Variants in AEBP2 observed in about 807,000 individuals in gnomAD.
The protein encoded by AEBP2 is zinc finger protein AEBP2.
AEBP2 carries 10 observed loss-of-function variants against 50.8 expected under a neutral mutation model. The observed-to-expected ratio is 0.20, with a 90% CI of 0.12 to 0.33. The LOEUF (loss-of-function observed/expected upper bound fraction) is 0.33, where lower values mean the gene tolerates loss of function less well. AEBP2 is among the 10% of genes least tolerant of loss of function. AEBP2 has a pLI of 1.00. For missense variants in AEBP2, 570 were observed against 688.0 expected (o/e 0.83, Z 1.92); for synonymous variants, 296 against 261.3 (o/e 1.13, Z -1.28).
chr12:19,495,246 A>G (rs573432508), intron 4 of AEBP2, among the ~76,000 whole-genome samples: 3 of 152,296 alleles, frequency 2.0e-5, no homozygotes, highest in African/African-American at 7.2e-5. Context: ...AGAAATACCA[A>G]TGGGTGAATG....
chr12:19,513,504 TCCC>T (rs148055914), intron 6 of AEBP2, among the ~76,000 whole-genome samples: 132 of 152,298 alleles, frequency 8.7e-4, no homozygotes, highest in African/African-American at 3.1e-3. Flanking sequence ...ATGCTGGTAA[TCCC>T]AGTGCTTTGT....
intron 1 of AEBP2, among the ~76,000 whole-genome samples, chr12:19,423,063 T>TAAA: frequency 5.3e-4 from 2 of 3,790 alleles, no homozygotes; most frequent in African/African-American, 7.4e-4. Context: ...AGACTCTGTC[T>TAAA]CAAAAAAAAA....
intron 4 of AEBP2, among the ~76,000 whole-genome samples, chr12:19,494,960 G>A (rs1323608691): frequency 1.2e-4 from 18 of 152,156 alleles, no homozygotes; most frequent in South Asian, 2.1e-4. Context: ...AGGCTGGAGC[G>A]CAGTGGTGTG....
intron 1 of AEBP2, chr12:19,457,059 T>C: frequency 1.2e-6 from 2 of 1,607,780 alleles, no homozygotes; most frequent in Non-Finnish European, 1.7e-6. Flanking sequence ...AACCAGAAAT[T>C]GGCACAAATG....
chr12:19,425,203 C>A (rs1221222474), intron 1 of AEBP2, among the ~76,000 whole-genome samples: 1 of 152,138 alleles, frequency 6.6e-6, no homozygotes, highest in Non-Finnish European at 1.5e-5. Flanking sequence ...ACGACACAGT[C>A]CTGTTCCAGC....
chr12:19,458,380 C>G (rs1166016094), intron 1 of AEBP2, among the ~76,000 whole-genome samples: 1 of 152,158 alleles, frequency 6.6e-6, no homozygotes, highest in Non-Finnish European at 1.5e-5. Context: ...CCCTGTTCAG[C>G]TTGGGGGAGA....
At chr12:19,474,312 C>A (rs1480072070) in intron 3 of AEBP2, among the ~76,000 whole-genome samples, 1 of 152,034 alleles carries the variant, frequency 6.6e-6, no homozygotes, top group Non-Finnish European at 1.5e-5. Flanking sequence ...TTGTTAAAAC[C>A]ACATTTACTG....
At chr12:19,488,177 G>A (rs1339581341) in intron 3 of AEBP2, among the ~76,000 whole-genome samples, 1 of 150,204 alleles carries the variant, frequency 6.7e-6, no homozygotes, top group East Asian at 2.0e-4. Flanking sequence ...AGGCTAGAGT[G>A]CAGTGGTATA....
chr12:19,432,111 TCATTTTA>T (rs1242841783), intron 1 of AEBP2, among the ~76,000 whole-genome samples: 5 of 152,088 alleles, frequency 3.3e-5, no homozygotes, highest in African/African-American at 9.7e-5. Flanking sequence ...GGAACAGAAC[TCATTTTA>T]GTGGAAGAGA....
chr12:19,485,773 C>T (rs1224218070), intron 3 of AEBP2, among the ~76,000 whole-genome samples: 1 of 149,512 alleles, frequency 6.7e-6, no homozygotes, highest in Non-Finnish European at 1.5e-5. Context: ...TGGGTTTATA[C>T]AGATCTAAAG....
intron 3 of AEBP2, among the ~76,000 whole-genome samples, chr12:19,476,090 G>A (rs1301741054): frequency 6.6e-6 from 1 of 152,032 alleles, no homozygotes; most frequent in African/African-American, 2.4e-5. Flanking sequence ...GTTTGTTGTT[G>A]TTCTTATTGC....
intron 5 of AEBP2, among the ~76,000 whole-genome samples, chr12:19,507,222 G>A (rs577620703): frequency 6.6e-6 from 1 of 152,260 alleles, no homozygotes; most frequent in South Asian, 2.1e-4. Context: ...ATGATTTAAA[G>A]GGCAATAGAT....
At chr12:19,488,430 A>G (rs1186151075) in intron 3 of AEBP2, among the ~76,000 whole-genome samples, 1 of 151,464 alleles carries the variant, frequency 6.6e-6, no homozygotes, top group Middle Eastern at 3.4e-3. Context: ...TCCTATCCAT[A>G]TTAAATATTG....
intron 2 of AEBP2, among the ~76,000 whole-genome samples, chr12:19,470,244 C>A (rs140749914): frequency 0.021 from 3,229 of 151,834 alleles, 42 homozygotes; most frequent in East Asian, 0.042. Flanking sequence ...TGGAACCTCC[C>A]CCTCCCAGGT....
intron 2 of AEBP2, among the ~76,000 whole-genome samples, chr12:19,463,463 A>G (rs1373314078): frequency 6.6e-6 from 1 of 152,156 alleles, no homozygotes; most frequent in African/African-American, 2.4e-5. Flanking sequence ...GTAATTTATT[A>G]ATATTAGGCC....
At chr12:19,440,512 C>T in intron 1 of AEBP2, 142 bp downstream of exon 1, 1 of 1,394,954 alleles carries the variant, frequency 7.2e-7, no homozygotes, top group South Asian at 1.6e-5. Flanking sequence ...ACTCGGAAAT[C>T]TCTCGCCGTC....
intron 1 of AEBP2, among the ~76,000 whole-genome samples, chr12:19,442,142 T>C (rs529746365): frequency 2.6e-4 from 39 of 152,252 alleles, no homozygotes; most frequent in African/African-American, 9.4e-4. Context: ...GCGCGGTGGC[T>C]CAGGCCTGTT....
intron 2 of AEBP2, among the ~76,000 whole-genome samples, chr12:19,470,602 G>C (rs183789708): frequency 6.6e-6 from 1 of 152,120 alleles, no homozygotes; most frequent in Non-Finnish European, 1.5e-5. Context: ...CCTTAATCGT[G>C]TTACTAGACA....
intron 3 of AEBP2, among the ~76,000 whole-genome samples, chr12:19,486,620 C>T (rs917330597): frequency 2.0e-5 from 3 of 151,950 alleles, no homozygotes; most frequent in Admixed American, 1.3e-4. Context: ...CAGGCCCAAG[C>T]GATCCTCCCC....
Sources: allele counts gnomAD v4.1 joint callset (sites outside exome capture counted in the v4.1 genomes callset), GRCh38; gene constraint gnomAD v4.1.1; transcripts MANE v1.5; gene names NCBI Gene and HGNC (gene_info 2026-07-23, HGNC 2026-07-21).